The following TBL1XR1 variants were observed in gnomAD, a reference collection of about 807,000 sequenced individuals.
The protein encoded by TBL1XR1 is TBL1X/Y related 1, also known as F-box-like/WD repeat-containing protein TBL1XR1.
TBL1XR1 carries 5 observed loss-of-function variants against 66.9 expected under a neutral mutation model. The observed-to-expected ratio is 0.07, with a 90% CI of 0.04 to 0.16. The LOEUF (loss-of-function observed/expected upper bound fraction) is 0.16. Ranked by LOEUF, TBL1XR1 falls within the 10% of genes least tolerant of loss-of-function variation. The pLI is 1.00. For missense variants in TBL1XR1, 238 were observed against 623.2 expected (o/e 0.38, Z 6.58); for synonymous variants, 210 against 206.0 (o/e 1.02, Z -0.17).
intron 2 of TBL1XR1, among the ~76,000 whole-genome samples, chr3:177,091,793 GAAAGA>G (rs1376034687): frequency 2.0e-5 from 3 of 152,116 alleles, no homozygotes; most frequent in Non-Finnish European, 4.4e-5. Context: ...GTAAATAAAA[GAAAGA>G]ATCATGCATT....
Position 177,023,341 on chromosome 3 carries a change from T to G in TBL1XR1, c.*2157A>C, listed in dbSNP as rs1712638522. On this transcript the variant is annotated 3_prime_UTR_variant, in exon 16 of 16. Coordinates refer to ENST00000457928, the MANE Select transcript of TBL1XR1 (RefSeq NM_024665.7). ...CAGATTTTTTTAATTTTTATTTATT[T>G]TTTTTAAACAATAACAGAGGTCAAC... 6.6e-6 allele frequency: 1 copy of G among 152,550 alleles called. No individual in the cohort carries two copies. Among genetic ancestry groups the G allele is most frequent in the African/African-American group, 2.4e-5 (1 of 41,436 alleles). 9.4% of individuals were successfully genotyped at this position (152,550 alleles called of 1,614,324 possible). A position where few individuals can be genotyped will look rare whatever the true frequency, so the allele number is the denominator to read the frequency against.
At chr3:177,030,181 TTTCA>T (rs147707997) in intron 14 of TBL1XR1, among the ~76,000 whole-genome samples, 1,542 of 151,944 alleles carry the variant, frequency 0.01, 31 homozygotes, top group African/African-American at 0.035. Flanking sequence ...TTAGAGAAAC[TTTCA>T]TTCATGTGCA....
At chr3:177,156,123 A>C (rs1380201937) in intron 1 of TBL1XR1, among the ~76,000 whole-genome samples, 1 of 151,150 alleles carries the variant, frequency 6.6e-6, no homozygotes, top group African/African-American at 2.4e-5. Context: ...CATTAAAAAA[A>C]AAAAACCTAG....
chr3:177,166,421 G>C (rs916083307), intron 1 of TBL1XR1, among the ~76,000 whole-genome samples: 4 of 152,110 alleles, frequency 2.6e-5, no homozygotes, highest in African/African-American at 9.7e-5. Context: ...TACTGATATG[G>C]TTTGGCTTTG....
chr3:177,184,187 A>C (rs186395629), intron 1 of TBL1XR1, among the ~76,000 whole-genome samples: 1 of 152,208 alleles, frequency 6.6e-6, no homozygotes, highest in Admixed American at 6.5e-5. Flanking sequence ...CACAATTGCA[A>C]ATGACACCAA....
At chr3:177,169,163 G>A (rs1026100880) in intron 1 of TBL1XR1, among the ~76,000 whole-genome samples, 5 of 151,916 alleles carry the variant, frequency 3.3e-5, no homozygotes, top group Admixed American at 2.0e-4. Flanking sequence ...CGATAAAGTG[G>A]GAATTTATCA....
At chr3:177,175,286 A>G (rs1010555700) in intron 1 of TBL1XR1, among the ~76,000 whole-genome samples, 26 of 152,218 alleles carry the variant, frequency 1.7e-4, no homozygotes, top group Admixed American at 1.1e-3. Flanking sequence ...TTCAGGAATC[A>G]TACCATGAAA....
At chr3:177,041,647 A>G (rs751635382) in intron 10 of TBL1XR1, among the ~76,000 whole-genome samples, 15 of 152,186 alleles carry the variant, frequency 9.9e-5, no homozygotes, top group Non-Finnish European at 1.5e-4. Context: ...TCTGACAGCA[A>G]TGTGGATGAC....
chr3:177,152,959 G>A (rs1369097656), intron 1 of TBL1XR1, among the ~76,000 whole-genome samples: 1 of 152,028 alleles, frequency 6.6e-6, no homozygotes, highest in Admixed American at 6.6e-5. Context: ...TGACGAACAT[G>A]GTGAGACTCC....
chr3:177,060,129 G>A (rs1718324358), intron 3 of TBL1XR1, among the ~76,000 whole-genome samples: 1 of 152,088 alleles, frequency 6.6e-6, no homozygotes, highest in African/African-American at 2.4e-5. Flanking sequence ...CCCTCAACTT[G>A]CAGACAGCCT....
chr3:177,197,453 C>G lies in TBL1XR1; in HGVS notation c.-454G>C, dbSNP rs1737012394. 2 of 146,882 alleles carry G rather than the reference C, an allele frequency of 1.4e-5. No homozygotes were observed. The highest frequency in any genetic ancestry group is 3.0e-5 in the Non-Finnish European group (2 of 65,906). The allele number at this position is 146,882 out of a possible 1,614,324, so 9.1% of individuals were successfully genotyped here. On this transcript the variant is annotated 5_prime_UTR_variant, in exon 1 of 16. Transcript: ENST00000457928. ...GAGGAATTGAGGCAGAAGGTAAAAG[C>G]TGTTACTAAGGGAAAGAGCCAAACG... is the stretch of plus-strand genomic sequence containing the variant.
chr3:177,069,606 G>A (rs541911045), intron 2 of TBL1XR1, among the ~76,000 whole-genome samples: 6 of 152,118 alleles, frequency 3.9e-5, no homozygotes, highest in African/African-American at 1.4e-4. Context: ...AGGCATGGTG[G>A]CGCAGGCCTG....
rs1481924083 is a variant in TBL1XR1 at position 177,023,333 on chromosome 3, T to A, written c.*2165A>T. ...TTATTGCACAGATTTTTTTAATTTT[T>A]ATTTATTTTTTTTAAACAATAACAG... On this transcript the variant is annotated 3_prime_UTR_variant, in exon 16 of 16. Coordinates refer to ENST00000457928, the MANE Select transcript of TBL1XR1 (RefSeq NM_024665.7). 1 of 152,524 alleles carries A rather than the reference T, an allele frequency of 6.6e-6. No individual in the cohort carries two copies. The highest frequency in any genetic ancestry group is 1.5e-5 in the Non-Finnish European group (1 of 67,978). The allele number at this position is 152,524 out of a possible 1,614,324, so 9.4% of individuals were successfully genotyped here. A position where few individuals can be genotyped will look rare whatever the true frequency, so the allele number is the denominator to read the frequency against.
rs566254630 is a variant in TBL1XR1, at chr3:177,073,321, T to C, written c.-45-8299A>G. On this transcript the variant is annotated intron_variant, in intron 2 of 15. Transcript: ENST00000457928. Reference sequence around the variant, plus strand: ...CAGGCTCCTTAGCCCACAGTACTGGTCATATTTTAACACAACCTAAATCTT... The same window carrying C: ...CAGGCTCCTTAGCCCACAGTACTGGCCATATTTTAACACAACCTAAATCTT... 6.6e-5 allele frequency among the ~76,000 whole-genome samples: 10 copies of C among 152,272 alleles called. No individual in the cohort carries two copies. In the South Asian group the frequency reaches 2.1e-3, roughly 32 times the overall value.
intron 1 of TBL1XR1, among the ~76,000 whole-genome samples, chr3:177,144,592 A>G (rs944373302): frequency 7.3e-5 from 11 of 151,018 alleles, no homozygotes; most frequent in Non-Finnish European, 1.3e-4. Context: ...TCTCTACTTT[A>G]GAAAAAAAAA....
chr3:177,031,504 G>A (rs112871586), intron 14 of TBL1XR1, among the ~76,000 whole-genome samples: 9,762 of 151,404 alleles, frequency 0.064, 907 homozygotes, highest in African/African-American at 0.21. Flanking sequence ...GCTAATTTTT[G>A]TATTTTTAGG....
At chr3:177,140,802 G>C (rs1358679836) in intron 1 of TBL1XR1, among the ~76,000 whole-genome samples, 1 of 152,122 alleles carries the variant, frequency 6.6e-6, no homozygotes, top group East Asian at 1.9e-4. Context: ...TCATCCTACA[G>C]GAAAAAAGGA....
At chr3:177,168,125 T>A (rs1439883369) in intron 1 of TBL1XR1, among the ~76,000 whole-genome samples, 19 of 152,170 alleles carry the variant, frequency 1.2e-4, no homozygotes, top group Admixed American at 1.2e-3. Flanking sequence ...TTAGGCCATG[T>A]TATATAACAG....
chr3:177,041,740 T>TGTA (rs1715616904), intron 10 of TBL1XR1, among the ~76,000 whole-genome samples: 1 of 152,170 alleles, frequency 6.6e-6, no homozygotes, highest in Non-Finnish European at 1.5e-5. Context: ...GGAGGGCTAT[T>TGTA]GTAAGTTATG....
Sources: gnomAD v4.1 joint callset for allele counts (sites outside exome capture counted in the v4.1 genomes callset) on GRCh38, gnomAD v4.1.1 for gene constraint, MANE v1.5 for transcripts, NCBI Gene and HGNC (gene_info 2026-07-23, HGNC 2026-07-21) for gene names.